Variants in HNF1B observed in about 807,000 individuals in gnomAD.
HNF1B encodes the protein hepatocyte nuclear factor 1-beta.
Under a neutral mutation model 61.7 loss-of-function variants are expected in HNF1B, and 8 were observed. That is an observed-to-expected ratio of 0.13 (90% confidence interval 0.08 to 0.23). The LOEUF is 0.23. Among genes scored for constraint, HNF1B ranks in the 10% least tolerant of loss-of-function variants. HNF1B has a pLI of 1.00. For synonymous variants in HNF1B, 314 were observed against 287.7 expected, an observed-to-expected ratio of 1.09 and a Z score of -0.93; for missense variants, 562 against 714.5, an observed-to-expected ratio of 0.79 and a Z score of 2.43.
intron 4 of HNF1B, among the ~76,000 whole-genome samples, chr17:37,711,186 G>A (rs2032924688): frequency 6.6e-6 from 1 of 152,232 alleles, no homozygotes; most frequent in Non-Finnish European, 1.5e-5. Context: ...CCGTAGCTTA[G>A]GCATCAGTCT....
At chr17:37,731,419 G>A (rs578072794) in intron 4 of HNF1B, 176 bp downstream of exon 4, 15 of 706,394 alleles carry the variant, frequency 2.1e-5, no homozygotes, top group East Asian at 1.4e-4. Context: ...GGAGTTGGAG[G>A]AAACTGATCA....
At chr17:37,700,885 G>A (rs2032543679) in intron 7 of HNF1B, 98 bp downstream of exon 7, 4 of 1,133,226 alleles carry the variant, frequency 3.5e-6, no homozygotes, top group Non-Finnish European at 5.1e-6. Flanking sequence ...AAGTGACCAA[G>A]CCAATAAACT....
intron 4 of HNF1B, chr17:37,720,840 T>C (rs2033289182): frequency 4.1e-6 from 4 of 985,290 alleles, no homozygotes; most frequent in African/African-American, 3.5e-5. Context: ...CACGGTGAGA[T>C]TGAAGTTTAC....
intron 5 of HNF1B, among the ~76,000 whole-genome samples, chr17:37,708,407 C>T (rs1011977967): frequency 1.3e-5 from 2 of 152,216 alleles, no homozygotes; most frequent in Non-Finnish European, 2.9e-5. Context: ...CCAGTTAAAG[C>T]ACTGCTGAGC....
chr17:37,742,675 C>T (rs994984763), intron 1 of HNF1B, among the ~76,000 whole-genome samples: 1 of 152,058 alleles, frequency 6.6e-6, no homozygotes, highest in Non-Finnish European at 1.5e-5. Context: ...CCCTGCCCTG[C>T]TGGGGCCTGG....
intron 2 of HNF1B, 59 bp downstream of exon 2, chr17:37,739,381 T>C (rs1305930993): frequency 1.3e-6 from 2 of 1,500,574 alleles, no homozygotes; most frequent in Non-Finnish European, 9.3e-7. Flanking sequence ...AGGCAGCCAA[T>C]GGGGTGAGAG....
At position 37,687,366 on chromosome 17, in the gene HNF1B, T is replaced by C; in HGVS notation, c.*6A>G. 6.2e-7 allele frequency: 1 copy of C among 1,613,982 alleles called. No individual in the cohort carries two copies. Among genetic ancestry groups the C allele is most frequent in the Non-Finnish European group, 8.5e-7 (1 of 1,179,996 alleles). Reference sequence around the variant, plus strand: ...TGTTGCGCACGAAGTAAGTGGTGTGTGGGCATCACCAGGCTTGTAGAGGAC... The same window carrying C: ...TGTTGCGCACGAAGTAAGTGGTGTGCGGGCATCACCAGGCTTGTAGAGGAC... On this transcript the variant is annotated 3_prime_UTR_variant, in exon 9 of 9. Transcript: ENST00000617811.
intron 8 of HNF1B, among the ~76,000 whole-genome samples, chr17:37,687,635 T>C (rs1017672977): frequency 1.3e-5 from 2 of 152,200 alleles, no homozygotes; most frequent in African/African-American, 4.8e-5. Flanking sequence ...GCTGGGGACC[T>C]TGAAGTAGTC....
rs1179538712 is a variant in HNF1B at position 37,743,467 on chromosome 17, T to C, written c.344+1074A>G. Among the ~76,000 whole-genome samples the C allele has an allele frequency of 2.6e-5, 4 of 152,346 alleles. No homozygotes were observed. In the East Asian group the frequency reaches 5.8e-4, roughly 22 times the overall value. On this transcript the variant is annotated intron_variant, in intron 1 of 8. Transcript: ENST00000617811. The stretch of plus-strand genomic sequence containing the variant: ...TACAAGTTCCCCTGATTGTTTTGGC[T>C]AGAGGGCAAACCGCCAGGCCCTCGG...
intron 8 of HNF1B, among the ~76,000 whole-genome samples, chr17:37,693,299 G>A (rs2032271582): frequency 6.6e-6 from 1 of 151,468 alleles, no homozygotes; most frequent in Admixed American, 6.6e-5. Context: ...TTGAATACTT[G>A]ACTATGTACT....
chr17:37,708,641 A>G (rs1349260873), intron 5 of HNF1B, among the ~76,000 whole-genome samples: 1 of 152,182 alleles, frequency 6.6e-6, no homozygotes, highest in Non-Finnish European at 1.5e-5. Flanking sequence ...CCTTAACCCT[A>G]ACTTGTTTGG....
intron 4 of HNF1B, among the ~76,000 whole-genome samples, chr17:37,716,968 CCTT>C (rs989252624): frequency 9.2e-5 from 14 of 151,846 alleles, no homozygotes; most frequent in African/African-American, 3.1e-4. Context: ...CACAGATATT[CCTT>C]CTTCACAAGC....
chr17:37,687,276 C>A lies in HNF1B; in HGVS notation c.*96G>T. On this transcript the variant is annotated 3_prime_UTR_variant, in exon 9 of 9. Transcript: ENST00000617811. Reference sequence around the variant, plus strand: ...GCAGGGACCTCTCGCAGGTGCTGGTCAGGTCACTGGGCTTTTCCATGACAG... The same window carrying A: ...GCAGGGACCTCTCGCAGGTGCTGGTAAGGTCACTGGGCTTTTCCATGACAG... 6.2e-7 allele frequency: 1 copy of A among 1,607,894 alleles called. No homozygotes were observed. Among genetic ancestry groups the A allele is most frequent in the South Asian group, 1.1e-5 (1 of 90,858 alleles).
intron 2 of HNF1B, among the ~76,000 whole-genome samples, chr17:37,738,973 T>C (rs927610250): frequency 6.6e-6 from 1 of 152,334 alleles, no homozygotes; most frequent in East Asian, 1.9e-4. Flanking sequence ...TATCTCTCTA[T>C]ACAAATGCAT....
intron 8 of HNF1B, among the ~76,000 whole-genome samples, chr17:37,694,206 T>C (rs1902373074): frequency 6.6e-6 from 1 of 152,054 alleles, no homozygotes; most frequent in Non-Finnish European, 1.5e-5. Context: ...GGCAGGTGGA[T>C]CACCTGAGGT....
Position 37,687,188 on chromosome 17 carries a change from G to C in HNF1B, c.*184C>G. The C allele has an allele frequency of 1.1e-6, 1 of 890,198 alleles. No homozygotes were observed. 55.1% of individuals were successfully genotyped at this position (890,198 alleles called of 1,614,324 possible). A position where few individuals can be genotyped will look rare whatever the true frequency, so the allele number is the denominator to read the frequency against. On this transcript the variant is annotated 3_prime_UTR_variant, in exon 9 of 9. Transcript: ENST00000617811. ...CAATACTGCATAGAAGGGAAACTGGGCTTCGGGCTGCGCCTCCTGAGAGTG... is the reference window on the plus strand; with the variant it reads ...CAATACTGCATAGAAGGGAAACTGGCCTTCGGGCTGCGCCTCCTGAGAGTG...
Position 37,744,617 on chromosome 17 carries a change from G to A in HNF1B, c.268C>T (p.Pro90Ser). 6.2e-7 allele frequency: 1 copy of A among 1,610,814 alleles called. No homozygotes were observed. The highest frequency in any genetic ancestry group is 8.5e-7 in the Non-Finnish European group (1 of 1,179,980). Residue 90 changes from proline to serine, a missense_variant, in exon 1 of 9, where the codon CCC becomes TCC. Around this residue, in one of 6 missense-constraint regions of HNF1B, gnomAD observed 148 missense variants for 147.3 expected, o/e 1.00. Transcript: ENST00000617811. ...SEDGDDYDTPPILKELQALNT... is the reference protein window; with the variant it reads ...SEDGDDYDTPSILKELQALNT... ...AGCGCCTGCAGCTCCTTGAGGATGG[G>A]AGGTGTGTCATAGTCGTCGCCGTCC...
chr17:37,705,129 G>A lies in HNF1B; in HGVS notation c.1207-80C>T, dbSNP rs976351696. On this transcript the variant is annotated intron_variant, in intron 5 of 8. Coordinates refer to ENST00000617811, the MANE Select transcript of HNF1B (RefSeq NM_000458.4). ...AGTTTCCAACACGATGTGACTTAGC[G>A]ATTCCTTGGCATGACTAGTTCTCAA... The A allele has an allele frequency of 1.2e-5, 17 of 1,405,556 alleles. No homozygotes were observed. In the South Asian group the frequency reaches 1.5e-4, roughly 12 times the overall value. 87.1% of individuals were successfully genotyped at this position (1,405,556 alleles called of 1,614,324 possible). A position where few individuals can be genotyped will look rare whatever the true frequency, so the allele number is the denominator to read the frequency against.
At chr17:37,735,457 G>A (rs1325732863) in intron 2 of HNF1B, among the ~76,000 whole-genome samples, 2 of 152,198 alleles carry the variant, frequency 1.3e-5, no homozygotes, top group East Asian at 3.8e-4. Flanking sequence ...GTGGACTGAT[G>A]GTGTCACTGG....
Sources: allele counts gnomAD v4.1 joint callset (sites outside exome capture counted in the v4.1 genomes callset), GRCh38; gene constraint gnomAD v4.1.1; regional missense constraint gnomAD v4.1.1; transcripts MANE v1.5; gene names NCBI Gene and HGNC (gene_info 2026-07-23, HGNC 2026-07-21).